Variants in SEC22A observed in about 807,000 individuals in gnomAD.
The protein encoded by SEC22A is vesicle-trafficking protein SEC22a.
A neutral mutation model predicts 35.3 loss-of-function variants in SEC22A; 22 were observed. The observed-to-expected ratio is 0.62, with a 90% CI of 0.45 to 0.89. The LOEUF is 0.89. Among genes scored for constraint, SEC22A ranks in the 40% least tolerant of loss-of-function variants. The pLI is 0.00. For missense variants in SEC22A, 354 were observed against 362.5 expected, an observed-to-expected ratio of 0.98 and a Z score of 0.19; for synonymous variants, 119 against 129.5, an observed-to-expected ratio of 0.92 and a Z score of 0.55.
At chr3:123,267,026 T>C (rs1938043260) in intron 6 of SEC22A, among the ~76,000 whole-genome samples, 1 of 152,164 alleles carries the variant, frequency 6.6e-6, no homozygotes, top group African/African-American at 2.4e-5. Context: ...GGTTATTTTC[T>C]TTGCTTTGAA....
At chr3:123,239,093 A>C (rs1333295481) in intron 4 of SEC22A, among the ~76,000 whole-genome samples, 1 of 152,130 alleles carries the variant, frequency 6.6e-6, no homozygotes, top group East Asian at 1.9e-4. Context: ...TAAAATGCAC[A>C]AATCTTTGCT....
At chr3:123,249,314 C>T (rs902702551) in intron 5 of SEC22A, among the ~76,000 whole-genome samples, 1 of 151,900 alleles carries the variant, frequency 6.6e-6, no homozygotes, top group African/African-American at 2.4e-5. Flanking sequence ...ATTATTAATT[C>T]ATTCTCTAGT....
intron 4 of SEC22A, chr3:123,243,819 T>C (rs1489546156): frequency 6.6e-6 from 1 of 152,236 alleles, no homozygotes; most frequent in Non-Finnish European, 1.5e-5. Context: ...TAGGAACTTT[T>C]GCAGAGTCTC....
At chr3:123,252,053 C>T (rs953649716) in intron 5 of SEC22A, among the ~76,000 whole-genome samples, 5 of 152,080 alleles carry the variant, frequency 3.3e-5, no homozygotes, top group African/African-American at 1.2e-4. Context: ...AGTGATTTTC[C>T]GAGTACATCC....
At chr3:123,244,505 A>G (rs1235103096) in intron 4 of SEC22A, among the ~76,000 whole-genome samples, 1 of 152,186 alleles carries the variant, frequency 6.6e-6, no homozygotes, top group Non-Finnish European at 1.5e-5. Context: ...TTGAATAGTG[A>G]CATTTAATTT....
intron 6 of SEC22A, among the ~76,000 whole-genome samples, chr3:123,267,599 G>A (rs1170616977): frequency 3.9e-5 from 6 of 152,088 alleles, no homozygotes; most frequent in Non-Finnish European, 8.8e-5. Flanking sequence ...ACATAATTTA[G>A]AAAACTCAAG....
At chr3:123,231,456 G>A (rs1278948397) in intron 4 of SEC22A, among the ~76,000 whole-genome samples, 1 of 152,100 alleles carries the variant, frequency 6.6e-6, no homozygotes, top group Non-Finnish European at 1.5e-5. Context: ...AATTTAAAAG[G>A]ATAGAAATAG....
At chr3:123,228,576 CA>C (rs528536258) in intron 4 of SEC22A, among the ~76,000 whole-genome samples, 1,673 of 82,990 alleles carry the variant, frequency 0.02, 27 homozygotes, top group African/African-American at 0.062. Flanking sequence ...AACTCCATCT[CA>C]AAAAAAAAAA....
chr3:123,214,965 T>G (rs973736627), intron 2 of SEC22A, among the ~76,000 whole-genome samples: 2 of 152,236 alleles, frequency 1.3e-5, no homozygotes, highest in South Asian at 2.1e-4. Context: ...CCAGGAATAC[T>G]GTTTTAGGCT....
Position 123,259,573 on chromosome 3 carries a change from C to T in SEC22A, c.707C>T (p.Ala236Val), listed in dbSNP as rs529442776. Residue 236 changes from alanine (A) to valine (V), a missense_variant, in exon 6 of 7, where the codon GCA becomes GTA. Physicochemically the swap from Ala to Val is moderately conservative, Grantham distance 64 (BLOSUM62 0). Transcript: ENST00000492595. The stretch of plus-strand genomic sequence containing the variant: ...ATCATTGCATTTTTCCTTGGAACAG[C>T]AGCCTGCCTTTACCAGGTAGGTTTT... ...NYIIAFFLGT[A>V]ACLYQCYLLV... 48 of 1,612,002 alleles carry T rather than the reference C, an allele frequency of 3.0e-5. No homozygotes were observed. The South Asian group carries it at 4.6e-4, about 16-fold the overall frequency.
At chr3:123,232,549 C>CA (rs1338219969) in intron 4 of SEC22A, among the ~76,000 whole-genome samples, 9 of 151,894 alleles carry the variant, frequency 5.9e-5, no homozygotes, top group East Asian at 1.9e-4. Flanking sequence ...CAAACAGTTC[C>CA]AAAAAAACAG....
chr3:123,226,718 A>G (rs1937222958), intron 4 of SEC22A, among the ~76,000 whole-genome samples: 1 of 152,148 alleles, frequency 6.6e-6, no homozygotes, highest in African/African-American at 2.4e-5. Context: ...TTTAAACTCA[A>G]TATAATGCAA....
At chr3:123,224,243 T>G (rs1937181194) in intron 3 of SEC22A, among the ~76,000 whole-genome samples, 1 of 151,774 alleles carries the variant, frequency 6.6e-6, no homozygotes, top group Non-Finnish European at 1.5e-5. Context: ...GGCAGTAGTT[T>G]GCTCAACTTC....
intron 2 of SEC22A, among the ~76,000 whole-genome samples, chr3:123,214,535 A>G (rs907196218): frequency 6.6e-6 from 1 of 152,238 alleles, no homozygotes; most frequent in Non-Finnish European, 1.5e-5. Context: ...AATTCTCTCT[A>G]TATAAAATTT....
intron 4 of SEC22A, among the ~76,000 whole-genome samples, chr3:123,241,732 AGTT>A (rs1334574351): frequency 6.6e-6 from 1 of 152,148 alleles, no homozygotes; most frequent in Non-Finnish European, 1.5e-5. Context: ...TAACATCGCC[AGTT>A]GTTCAACCTC....
intron 6 of SEC22A, among the ~76,000 whole-genome samples, chr3:123,265,575 A>T (rs1167014321): frequency 6.7e-6 from 1 of 149,068 alleles, no homozygotes; most frequent in African/African-American, 2.5e-5. Flanking sequence ...TCAGTTTATC[A>T]ATTTTTCCTT....
chr3:123,260,389 T>C (rs1937863717), intron 6 of SEC22A, among the ~76,000 whole-genome samples: 1 of 152,052 alleles, frequency 6.6e-6, no homozygotes, highest in Non-Finnish European at 1.5e-5. Flanking sequence ...TAGAAGGTAA[T>C]GAAAGCCAAC....
chr3:123,204,472 A>G (rs1936814136), intron 1 of SEC22A, among the ~76,000 whole-genome samples: 1 of 152,208 alleles, frequency 6.6e-6, no homozygotes, highest in Non-Finnish European at 1.5e-5. Context: ...CGTATATACA[A>G]AATCCACTTA....
intron 5 of SEC22A, among the ~76,000 whole-genome samples, chr3:123,248,006 A>T (rs145186140): frequency 0.013 from 1,905 of 152,264 alleles, 37 homozygotes; most frequent in African/African-American, 0.044. Flanking sequence ...CAAAATCCAA[A>T]CCCCATCCAT....
Sources: allele counts gnomAD v4.1 joint callset (sites outside exome capture counted in the v4.1 genomes callset), GRCh38; gene constraint gnomAD v4.1.1; transcripts MANE v1.5; gene names NCBI Gene and HGNC (gene_info 2026-07-23, HGNC 2026-07-21).